Variants in CSMD1 observed in about 807,000 individuals in gnomAD.
CSMD1 encodes the protein CUB and sushi domain-containing protein 1.
CSMD1 carries 213 observed loss-of-function variants against 417.5 expected under a neutral mutation model. The observed-to-expected ratio is 0.51, with a 90% CI of 0.46 to 0.57. The LOEUF (loss-of-function observed/expected upper bound fraction) is 0.57, where lower values mean the gene tolerates loss of function less well. Among genes scored for constraint, CSMD1 ranks in the 20% least tolerant of loss-of-function variants. CSMD1 has a pLI of 0.00. For synonymous variants in CSMD1, 2,862 were observed against 1,736.8 expected (o/e 1.65, Z -16.11); for missense variants, 6,923 against 4,529.7 (o/e 1.53, Z -15.17).
chr8:4,496,685 A>G (rs891155776), intron 2 of CSMD1, among the ~76,000 whole-genome samples: 5 of 152,086 alleles, frequency 3.3e-5, no homozygotes, highest in Non-Finnish European at 5.9e-5. Flanking sequence ...CACTCTGACA[A>G]AGCAGGCACA....
chr8:4,897,420 C>T (rs1674175010), intron 1 of CSMD1, among the ~76,000 whole-genome samples: 1 of 152,048 alleles, frequency 6.6e-6, no homozygotes, highest in Non-Finnish European at 1.5e-5. Flanking sequence ...ATATGACTTA[C>T]CAAGAAAACA....
chr8:4,064,369 GT>G, intron 3 of CSMD1, among the ~76,000 whole-genome samples: 1 of 152,260 alleles, frequency 6.6e-6, no homozygotes, highest in South Asian at 2.1e-4. Flanking sequence ...TCTGTTTAGG[GT>G]TTTCTGCAGT....
intron 5 of CSMD1, among the ~76,000 whole-genome samples, chr8:3,888,639 T>A (rs1466301835): frequency 1.3e-5 from 2 of 152,080 alleles, no homozygotes; most frequent in Non-Finnish European, 2.9e-5. Context: ...GGTCAAGTGC[T>A]CTATCATGTT....
intron 16 of CSMD1, among the ~76,000 whole-genome samples, chr8:3,398,469 A>G (rs923661012): frequency 2.6e-5 from 4 of 152,252 alleles, no homozygotes; most frequent in African/African-American, 9.6e-5. Context: ...GAAAGTTAAC[A>G]CAACTCCTGC....
intron 3 of CSMD1, among the ~76,000 whole-genome samples, chr8:4,212,055 T>C (rs2131290330): frequency 6.6e-6 from 1 of 152,146 alleles, no homozygotes; most frequent in African/African-American, 2.4e-5. Context: ...TAATAATTCC[T>C]TTTCAACTGT....
chr8:4,197,611 G>A (rs151142716), intron 3 of CSMD1, among the ~76,000 whole-genome samples: 4 of 152,312 alleles, frequency 2.6e-5, no homozygotes, highest in African/African-American at 7.2e-5. Flanking sequence ...GGACATGGTG[G>A]CTCATGCCTG....
intron 17 of CSMD1, among the ~76,000 whole-genome samples, chr8:3,391,108 G>C (rs535602406): frequency 5.3e-4 from 80 of 152,288 alleles, no homozygotes; most frequent in Non-Finnish European, 1.1e-3. Context: ...ATTGCATCCA[G>C]TACCATTACA....
intron 37 of CSMD1, among the ~76,000 whole-genome samples, chr8:3,162,953 G>A (rs573376342): frequency 2.0e-4 from 31 of 152,138 alleles, no homozygotes; most frequent in African/African-American, 6.5e-4. Context: ...TCAGATAAAC[G>A]AATTCTAAAA....
At chr8:3,522,153 C>G (rs1261837292) in intron 10 of CSMD1, among the ~76,000 whole-genome samples, 2 of 152,180 alleles carry the variant, frequency 1.3e-5, no homozygotes, top group East Asian at 1.9e-4. Flanking sequence ...ACTGCAAAGT[C>G]AAATTATTCG....
chr8:3,494,604 AT>A (rs1330227036), intron 10 of CSMD1, among the ~76,000 whole-genome samples: 1 of 142,456 alleles, frequency 7.0e-6, no homozygotes, highest in East Asian at 2.1e-4. Context: ...AGATAGATAG[AT>A]AGATGACAGA....
At chr8:3,608,533 G>A (rs948364209) in intron 8 of CSMD1, among the ~76,000 whole-genome samples, 4 of 152,142 alleles carry the variant, frequency 2.6e-5, no homozygotes, top group East Asian at 3.9e-4. Context: ...GGAGGCCAAG[G>A]TGGGTGGATC....
chr8:4,004,249 T>C (rs1455608762), intron 4 of CSMD1, among the ~76,000 whole-genome samples: 1 of 152,072 alleles, frequency 6.6e-6, no homozygotes, highest in Non-Finnish European at 1.5e-5. Flanking sequence ...TAGTTTAACA[T>C]CTAAAAAACA....
chr8:4,527,793 C>G (rs947568514), intron 2 of CSMD1, among the ~76,000 whole-genome samples: 2 of 152,124 alleles, frequency 1.3e-5, no homozygotes, highest in Non-Finnish European at 2.9e-5. Flanking sequence ...ACTGATGAAT[C>G]CTGGAAAGTC....
chr8:4,825,725 CT>C (rs34803828), intron 1 of CSMD1, among the ~76,000 whole-genome samples: 44,208 of 150,718 alleles, frequency 0.29, 7,472 homozygotes, highest in Admixed American at 0.44. Context: ...AACCATTTAT[CT>C]GGTAAGGGGT....
At chr8:3,552,363 T>G (rs368755013) in intron 10 of CSMD1, among the ~76,000 whole-genome samples, 1 of 152,172 alleles carries the variant, frequency 6.6e-6, no homozygotes, top group Non-Finnish European at 1.5e-5. Context: ...TAAAGAAAAC[T>G]AAATCTCCAT....
At chr8:3,974,319 GC>G (rs749156766) in intron 5 of CSMD1, among the ~76,000 whole-genome samples, 1 of 145,232 alleles carries the variant, frequency 6.9e-6, no homozygotes, top group East Asian at 1.9e-4. Context: ...TATTCCTTTT[GC>G]CCCTTAAGCA....
intron 39 of CSMD1, among the ~76,000 whole-genome samples, chr8:3,156,564 G>A (rs1235083159): frequency 1.3e-5 from 2 of 152,160 alleles, no homozygotes; most frequent in Non-Finnish European, 2.9e-5. Context: ...TGCACCTGCA[G>A]GTGGGAGCTC....
At chr8:3,671,241 G>A (rs1166445285) in intron 7 of CSMD1, among the ~76,000 whole-genome samples, 2 of 141,116 alleles carry the variant, frequency 1.4e-5, no homozygotes, top group Non-Finnish European at 3.1e-5. Context: ...GGATATATAT[G>A]TGTGGGATAT....
intron 5 of CSMD1, among the ~76,000 whole-genome samples, chr8:3,784,843 C>G (rs1027733830): frequency 6.6e-6 from 1 of 152,172 alleles, no homozygotes; most frequent in African/African-American, 2.4e-5. Flanking sequence ...TTCAACTCAT[C>G]CAATGAAATC....
Sources: gnomAD v4.1 joint callset for allele counts (sites outside exome capture counted in the v4.1 genomes callset) on GRCh38, gnomAD v4.1.1 for gene constraint, MANE v1.5 for transcripts, NCBI Gene and HGNC (gene_info 2026-07-23, HGNC 2026-07-21) for gene names.